Variants in FANCI observed in about 807,000 individuals in gnomAD.
FANCI encodes FA complementation group I, also known as Fanconi anemia group I protein.
Under a neutral mutation model 176.1 loss-of-function variants are expected in FANCI, and 156 were observed. That is an observed-to-expected ratio of 0.89 (90% CI 0.78 to 1.01). The LOEUF (loss-of-function observed/expected upper bound fraction) is 1.01, where lower values mean the gene tolerates loss of function less well. Ranked by LOEUF, FANCI falls within the 50% of genes least tolerant of loss-of-function variation. The pLI is 0.00. For missense variants in FANCI, 1,678 were observed against 1,534.1 expected (o/e 1.09, Z -1.57); for synonymous variants, 613 against 541.7 (o/e 1.13, Z -1.83).
chr15:89,299,181 A>C (rs2054433090), intron 24 of FANCI, among the ~76,000 whole-genome samples: 1 of 152,050 alleles, frequency 6.6e-6, no homozygotes, highest in Admixed American at 6.5e-5. Flanking sequence ...AAAAAAAAAA[A>C]AAAACCTGAG....
intron 27 of FANCI, 117 bp downstream of exon 27, chr15:89,301,559 TTTAA>T: frequency 1.2e-6 from 1 of 810,694 alleles, no homozygotes; most frequent in Non-Finnish European, 2.2e-6. Context: ...ACATAATGTG[TTTAA>T]TTATACACCT....
At chr15:89,246,722 C>A (rs1053303687) in intron 1 of FANCI, among the ~76,000 whole-genome samples, 2 of 151,240 alleles carry the variant, frequency 1.3e-5, no homozygotes, top group African/African-American at 4.9e-5. Flanking sequence ...CATCTTTTAC[C>A]TTGTTAACTT....
chr15:89,311,577 C>T (rs960918249), intron 34 of FANCI, among the ~76,000 whole-genome samples: 1 of 152,188 alleles, frequency 6.6e-6, no homozygotes, highest in Non-Finnish European at 1.5e-5. Flanking sequence ...TCAGTGAGGT[C>T]GATCCGTGAC....
intron 2 of FANCI, among the ~76,000 whole-genome samples, chr15:89,255,954 T>C (rs1319475031): frequency 6.6e-6 from 1 of 152,216 alleles, no homozygotes; most frequent in East Asian, 1.9e-4. Context: ...TTTATCTCAG[T>C]CCTTTGAGGT....
At chr15:89,254,700 C>G (rs187214274) in intron 2 of FANCI, among the ~76,000 whole-genome samples, 4 of 152,228 alleles carry the variant, frequency 2.6e-5, no homozygotes, top group Admixed American at 2.6e-4. Flanking sequence ...TCCTAGCTAA[C>G]TGGAGGGTTG....
In FANCI at chr15:89,299,924, C is replaced by G; in HGVS notation, c.2761C>G (p.Gln921Glu). 1 of 1,614,074 alleles carries G rather than the reference C, an allele frequency of 6.2e-7. No homozygotes were observed. The highest frequency in any genetic ancestry group is 8.5e-7 in the Non-Finnish European group (1 of 1,179,984). ...ACAGAAAATATTCAGTGCTGTGCAA[C>G]AGTTCTATCAGCCCAAGATTCAGCA... ...GLQKIFSAVQ[Q>E]FYQPKIQQFL... Residue 921 changes from glutamine to glutamate, a missense_variant, in exon 25 of 38, where the codon CAG (glutamine) becomes GAG (glutamate). This residue lies in a region of FANCI where 1,204 missense variants were observed against 1,077.4 expected (regional missense o/e 1.12). Transcript: ENST00000310775.
rs7177965 is a variant in FANCI, at chr15:89,253,429, G to A, written c.85-5275G>A. ...TTTGGGAGGCTGAGGTGGGAAGATC[G>A]CTTGAGCCACGAGGTTCAGATTACA... On this transcript the variant is annotated intron_variant, in intron 2 of 37. Coordinates refer to ENST00000310775, the MANE Select transcript of FANCI (RefSeq NM_001113378.2). Among the ~76,000 whole-genome samples, 74 of 152,172 alleles carry A rather than the reference G, an allele frequency of 4.9e-4. 1 individual carries two copies. Among genetic ancestry groups the A allele is most frequent in the African/African-American group, 1.7e-3 (70 of 41,524 alleles).
chr15:89,247,736 G>GT lies in FANCI; in HGVS notation c.84+6dup, dbSNP rs1275602094. On this transcript the variant is annotated splice_donor_region_variant and intron_variant, in intron 2 of 37. Transcript: ENST00000310775. ...CAAACCCTGAGAGAAGGTGATGTGAGTATTAGGAAGCATGTTCTGCTAAAA... is the reference window on the plus strand; with the variant it reads ...CAAACCCTGAGAGAAGGTGATGTGAGTTATTAGGAAGCATGTTCTGCTAAAA... 7.4e-6 allele frequency: 12 copies of GT among 1,612,474 alleles called. No homozygotes were observed. The highest frequency in any genetic ancestry group is 1.0e-5 in the Non-Finnish European group (12 of 1,178,628).
chr15:89,296,237 T>G (rs907700465), intron 24 of FANCI, among the ~76,000 whole-genome samples: 1 of 149,848 alleles, frequency 6.7e-6, no homozygotes, highest in Non-Finnish European at 1.5e-5. Flanking sequence ...GTGCTGGGTT[T>G]ACAGGCGTGA....
intron 27 of FANCI, among the ~76,000 whole-genome samples, chr15:89,301,729 T>G (rs138624258): frequency 2.0e-5 from 3 of 151,798 alleles, no homozygotes; most frequent in Non-Finnish European, 4.4e-5. Context: ...TGTTGATCTT[T>G]GGTGCCTTCA....
At chr15:89,306,635 T>C (rs1380927178) in intron 32 of FANCI, among the ~76,000 whole-genome samples, 3 of 152,052 alleles carry the variant, frequency 2.0e-5, no homozygotes, top group African/African-American at 4.8e-5. Flanking sequence ...GAGGTTGCAG[T>C]GAGCTGAGAT....
chr15:89,278,856 AT>A, intron 14 of FANCI, 82 bp downstream of exon 14: 1 of 1,079,588 alleles, frequency 9.3e-7, no homozygotes, highest in Non-Finnish European at 1.4e-6. Context: ...TGGGAAAAAA[AT>A]TTTAATGAGC....
chr15:89,263,073 G>A (rs1365326654), intron 6 of FANCI, among the ~76,000 whole-genome samples: 1 of 152,178 alleles, frequency 6.6e-6, no homozygotes, highest in Non-Finnish European at 1.5e-5. Context: ...TTATAAGCAT[G>A]TACATGGCAT....
intron 32 of FANCI, 90 bp downstream of exon 32, chr15:89,306,284 T>C (rs1359534258): frequency 1.5e-6 from 2 of 1,334,420 alleles, no homozygotes; most frequent in African/African-American, 2.9e-5. Context: ...TGCTGCAGAA[T>C]GCCCCTAAAC....
At chr15:89,264,095 T>C in intron 8 of FANCI, 69 bp downstream of exon 8, 1 of 1,569,194 alleles carries the variant, frequency 6.4e-7, no homozygotes, top group African/African-American at 1.3e-5. Context: ...AACTTATTCA[T>C]ACCCTTGGTT....
intron 34 of FANCI, 121 bp downstream of exon 34, chr15:89,307,793 G>T: frequency 2.6e-6 from 4 of 1,568,162 alleles, no homozygotes; most frequent in Non-Finnish European, 2.6e-6. Flanking sequence ...ACCACAAGCT[G>T]GAGGCACCCA....
chr15:89,290,467 A>G (rs1371024881), intron 19 of FANCI, 186 bp downstream of exon 19: 3 of 603,054 alleles, frequency 5.0e-6, no homozygotes, highest in Admixed American at 5.2e-5. Context: ...CCTGTCTGCC[A>G]TAATACCATC....
intron 18 of FANCI, among the ~76,000 whole-genome samples, chr15:89,289,445 C>T (rs866961265): frequency 1.4e-4 from 21 of 152,036 alleles, no homozygotes; most frequent in South Asian, 2.1e-4. Context: ...GCTGGGATCA[C>T]AGGCGTGCAT....
At chr15:89,308,068 C>G (rs1362757326) in intron 34 of FANCI, 1 of 1,131,088 alleles carries the variant, frequency 8.8e-7, no homozygotes, top group Admixed American at 4.5e-5. Context: ...AGGGCACTTT[C>G]AGGGAAGTGG....
Sources: allele counts gnomAD v4.1 joint callset (sites outside exome capture counted in the v4.1 genomes callset), GRCh38; gene constraint gnomAD v4.1.1; regional missense constraint gnomAD v4.1.1; transcripts MANE v1.5; gene names NCBI Gene and HGNC (gene_info 2026-07-23, HGNC 2026-07-21).